ERBIN: variants seen among roughly 807,000 people sequenced by gnomAD.
ERBIN encodes erbb2 interacting protein, also known as densin-180-like protein.
Under a neutral mutation model 158.4 loss-of-function variants are expected in ERBIN, and 60 were observed. That is an observed-to-expected ratio of 0.38 (90% CI 0.31 to 0.47). The LOEUF is 0.47. Among genes scored for constraint, ERBIN ranks in the 20% least tolerant of loss-of-function variants. The pLI is 0.99. For synonymous variants in ERBIN, 594 were observed against 557.2 expected (o/e 1.07, Z -0.93); for missense variants, 1,610 against 1,648.0 (o/e 0.98, Z 0.40).
intron 14 of ERBIN, among the ~76,000 whole-genome samples, chr5:66,033,774 C>A (rs1313268924): frequency 6.6e-6 from 1 of 152,064 alleles, no homozygotes; most frequent in East Asian, 1.9e-4. Context: ...TATTGCAGAG[C>A]ATGTTTACAG....
intron 21 of ERBIN, among the ~76,000 whole-genome samples, chr5:66,065,591 CTGTGTGTGTGTGTGTGTGTGTG>C (rs56164922): frequency 0.078 from 8,505 of 109,336 alleles, 435 homozygotes; most frequent in Admixed American, 0.13. Context: ...TAATTTTGAC[CTGTGTGTGTGTGTGTGTGTGTG>C]TGTGTGTGTG....
At chr5:65,929,949 C>G (rs956610737) in intron 1 of ERBIN, among the ~76,000 whole-genome samples, 12 of 152,012 alleles carry the variant, frequency 7.9e-5, no homozygotes, top group African/African-American at 2.4e-4. Context: ...CTACTGCTAA[C>G]TCCCATTTTT....
At chr5:66,059,296 G>A (rs1373120912) in intron 21 of ERBIN, among the ~76,000 whole-genome samples, 1 of 152,096 alleles carries the variant, frequency 6.6e-6, no homozygotes, top group Non-Finnish European at 1.5e-5. Flanking sequence ...TCTCTTTGAA[G>A]CAATTGTGAA....
At chr5:65,990,252 A>G (rs1751714834) in intron 2 of ERBIN, among the ~76,000 whole-genome samples, 1 of 152,202 alleles carries the variant, frequency 6.6e-6, no homozygotes, top group African/African-American at 2.4e-5. Flanking sequence ...AAGAGCACGG[A>G]CTCAGTTTCT....
chr5:65,975,663 A>G (rs1473096056), intron 1 of ERBIN, among the ~76,000 whole-genome samples: 1 of 152,228 alleles, frequency 6.6e-6, no homozygotes, highest in Non-Finnish European at 1.5e-5. Flanking sequence ...TGATGGGGAC[A>G]AAAGTGTGAT....
At chr5:66,064,656 A>G (rs1760804015) in intron 21 of ERBIN, among the ~76,000 whole-genome samples, 1 of 152,300 alleles carries the variant, frequency 6.6e-6, no homozygotes, top group South Asian at 2.1e-4. Flanking sequence ...AGTGTTCAGG[A>G]TGAATTGATA....
At chr5:66,008,173 C>T (rs969091428) in intron 4 of ERBIN, among the ~76,000 whole-genome samples, 3 of 152,226 alleles carry the variant, frequency 2.0e-5, no homozygotes, top group African/African-American at 7.2e-5. Context: ...AATCCCAACA[C>T]TGGGAGGCTG....
Position 66,054,932 on chromosome 5 carries a change from A to G in ERBIN, c.3614A>G (p.Glu1205Gly). ...DWREQVLRHI[E>G]AKKLEKKHPQ... The stretch of plus-strand genomic sequence containing the variant: ...AGAGAACAAGTACTTCGACATATTG[A>G]AGCCAAAAAGTTAGAAAAGGTAATT... Residue 1205 changes from glutamate to glycine, a missense_variant, in exon 21 of 26, where the codon GAA (glutamate) becomes GGA (glycine). Glu to Gly is a moderately conservative substitution (Grantham distance 98, BLOSUM62 -2). Coordinates refer to ENST00000284037, the MANE Select transcript of ERBIN (RefSeq NM_001253697.2). The G allele has an allele frequency of 6.3e-7, 1 of 1,576,326 alleles. No homozygotes were observed. Among genetic ancestry groups the G allele is most frequent in the East Asian group, 2.3e-5 (1 of 44,350 alleles).
intron 2 of ERBIN, among the ~76,000 whole-genome samples, chr5:65,991,741 T>C (rs1488956871): frequency 6.6e-6 from 1 of 152,226 alleles, no homozygotes; most frequent in African/African-American, 2.4e-5. Context: ...CCTGAGAATG[T>C]TCACTAATTC....
At chr5:66,069,099 GA>G (rs893202200) in intron 21 of ERBIN, 56 of 1,293,026 alleles carry the variant, frequency 4.3e-5, no homozygotes, top group Admixed American at 1.6e-4. Flanking sequence ...ATGTTTCCAG[GA>G]AAAAAAATGT....
chr5:65,941,257 A>G (rs141375296), intron 1 of ERBIN, among the ~76,000 whole-genome samples: 2,552 of 148,686 alleles, frequency 0.017, 69 homozygotes, highest in African/African-American at 0.059. Flanking sequence ...TCCCTCCACT[A>G]TTGTCCTATG....
At chr5:66,025,678 GGTTGAGTGT>G (rs1756168384) in intron 11 of ERBIN, 126 bp downstream of exon 11, 1 of 889,180 alleles carries the variant, frequency 1.1e-6, no homozygotes, top group African/African-American at 1.7e-5. Flanking sequence ...TTAGTATACA[GGTTGAGTGT>G]GTTTATGATA....
intron 1 of ERBIN, among the ~76,000 whole-genome samples, chr5:65,942,229 A>G (rs1745143452): frequency 6.6e-6 from 1 of 152,210 alleles, no homozygotes; most frequent in African/African-American, 2.4e-5. Flanking sequence ...ATGTGGAGGT[A>G]ATTTAGCTTA....
rs562049559 is a variant in ERBIN at position 66,066,269 on chromosome 5, C to G, written c.3634-5900C>G. ...ATTTAGACTCCAAACTTCATTGATT[C>G]AAAGTGGTAGAAGATGATGGAGGAT... On this transcript the variant is annotated intron_variant, in intron 21 of 25. Transcript: ENST00000284037. Among the ~76,000 whole-genome samples, 54 of 152,152 alleles carry G rather than the reference C, an allele frequency of 3.5e-4. No individual in the cohort carries two copies. The South Asian group carries it at 0.011, about 32-fold the overall frequency.
At chr5:65,992,663 C>A in intron 2 of ERBIN, 47 bp from the exon 3 acceptor site, 2 of 1,352,992 alleles carry the variant, frequency 1.5e-6, no homozygotes, top group South Asian at 1.5e-5. Context: ...TCTGAAAAAC[C>A]GTTGTAATAT....
intron 4 of ERBIN, among the ~76,000 whole-genome samples, chr5:66,009,245 A>G (rs973107834): frequency 6.6e-6 from 1 of 152,254 alleles, no homozygotes; most frequent in Non-Finnish European, 1.5e-5. Flanking sequence ...TATTAGGAGC[A>G]TCATTTCAAT....
chr5:65,981,881 T>C lies in ERBIN; in HGVS notation c.-57-6754T>C, dbSNP rs1343977804. On this transcript the variant is annotated intron_variant, in intron 1 of 25. Coordinates refer to ENST00000284037, the MANE Select transcript of ERBIN (RefSeq NM_001253697.2). ...ACTGTCACTTGCCCAACAAAACTTATGCTGCATTGAGTTGATGTAAACAAG... is the reference window on the plus strand; with the variant it reads ...ACTGTCACTTGCCCAACAAAACTTACGCTGCATTGAGTTGATGTAAACAAG... Among the ~76,000 whole-genome samples the C allele has an allele frequency of 2.0e-5, 3 of 152,186 alleles. No homozygotes were observed. In the East Asian group the frequency reaches 5.8e-4, roughly 29 times the overall value.
At chr5:65,994,007 C>T (rs1456898546) in intron 3 of ERBIN, among the ~76,000 whole-genome samples, 1 of 152,088 alleles carries the variant, frequency 6.6e-6, no homozygotes, top group Admixed American at 6.5e-5. Context: ...TACTGGATGA[C>T]AGTATGCAAC....
At chr5:65,958,645 AGAGGGAGACCGT>A (rs1463390924) in intron 1 of ERBIN, among the ~76,000 whole-genome samples, 1 of 124,760 alleles carries the variant, frequency 8.0e-6, no homozygotes, top group African/African-American at 3.1e-5. Context: ...AGGGGGAGAG[AGAGGGAGACCGT>A]GAGGGAGGGG....
Sources: gnomAD v4.1 joint callset for allele counts (sites outside exome capture counted in the v4.1 genomes callset) on GRCh38, gnomAD v4.1.1 for gene constraint, MANE v1.5 for transcripts, NCBI Gene and HGNC (gene_info 2026-07-23, HGNC 2026-07-21) for gene names.